EXOC2: variants seen among roughly 807,000 people sequenced by gnomAD.
EXOC2 encodes the protein exocyst complex component 2, also known as SEC5-like 1.
EXOC2 carries 70 observed loss-of-function variants against 131.8 expected under a neutral mutation model. That is an observed-to-expected ratio of 0.53 (90% CI 0.44 to 0.65). The LOEUF (loss-of-function observed/expected upper bound fraction) is 0.65, where lower values mean the gene tolerates loss of function less well. Among genes scored for constraint, EXOC2 ranks in the 30% least tolerant of loss-of-function variants. EXOC2 has a pLI of 0.00. For missense variants in EXOC2, 923 were observed against 1,108.6 expected (o/e 0.83, Z 2.38); for synonymous variants, 411 against 398.4 (o/e 1.03, Z -0.38).
In EXOC2 at chr6:623,326, T is replaced by A. The variant is rs778790282; in HGVS notation, c.423-3783A>T. 5.1e-4 allele frequency among the ~76,000 whole-genome samples: 78 copies of A among 152,010 alleles called. 1 individual carries two copies. Among genetic ancestry groups the A allele is most frequent in the Non-Finnish European group, 2.6e-4 (18 of 68,012 alleles). On this transcript the variant is annotated intron_variant, in intron 4 of 27. Transcript: ENST00000230449. ...CTTCAGGCCCCTGAACTGGGCCAGG[T>A]ACAATTTGAAAAGCACTACATCTCT...
intron 23 of EXOC2, among the ~76,000 whole-genome samples, chr6:501,696 TATATATCTCTATATAAAAG>T (rs1764212559): frequency 1.6e-5 from 2 of 125,680 alleles, no homozygotes; most frequent in African/African-American, 5.9e-5. Context: ...ATAAAAGATA[TATATATCTCTATATAAAAG>T]ATATATCTAT....
In EXOC2 at chr6:486,545, C is replaced by A; in HGVS notation, c.*126G>T. The A allele has an allele frequency of 1.2e-6, 1 of 810,820 alleles. No homozygotes were observed. The highest frequency in any genetic ancestry group is 1.9e-5 in the South Asian group (1 of 53,786). The allele number at this position is 810,820 out of a possible 1,614,324, so 50.2% of individuals were successfully genotyped here. A position where few individuals can be genotyped will look rare whatever the true frequency, so the allele number is the denominator to read the frequency against. ...AATGTATACCAACAATTTTCGAAGTCAGAGGAAGAAAAAAGAGAAAAATGG... is the reference window on the plus strand; with the variant it reads ...AATGTATACCAACAATTTTCGAAGTAAGAGGAAGAAAAAAGAGAAAAATGG... On this transcript the variant is annotated 3_prime_UTR_variant, in exon 28 of 28. Coordinates refer to ENST00000230449, the MANE Select transcript of EXOC2 (RefSeq NM_018303.6).
At chr6:550,303 G>T (rs1389480163) in intron 21 of EXOC2, among the ~76,000 whole-genome samples, 1 of 152,054 alleles carries the variant, frequency 6.6e-6, no homozygotes, top group Non-Finnish European at 1.5e-5. Context: ...TATTTTTTTG[G>T]ATATGTGAAA....
chr6:680,024 AT>A (rs11345538), intron 1 of EXOC2, among the ~76,000 whole-genome samples: 20,476 of 150,248 alleles, frequency 0.14, 1,483 homozygotes, highest in African/African-American at 0.17. Flanking sequence ...CCGGATGACT[AT>A]TTTTTTTTTT....
intron 17 of EXOC2, among the ~76,000 whole-genome samples, chr6:562,223 G>A (rs760493787): frequency 6.6e-6 from 1 of 152,232 alleles, no homozygotes; most frequent in Non-Finnish European, 1.5e-5. Flanking sequence ...CCGCTGCCTG[G>A]CCATCGTCAC....
intron 1 of EXOC2, chr6:655,988 CAA>C: frequency 1.4e-6 from 1 of 725,348 alleles, no homozygotes; most frequent in East Asian, 2.5e-5. Flanking sequence ...AAGGGCTCAA[CAA>C]AATATACGCC....
At chr6:552,334 G>C (rs1031937916) in intron 21 of EXOC2, among the ~76,000 whole-genome samples, 1 of 152,212 alleles carries the variant, frequency 6.6e-6, no homozygotes, top group Non-Finnish European at 1.5e-5. Context: ...TGATGACCCT[G>C]CATTTCATGC....
chr6:629,085 T>G (rs566892010), intron 4 of EXOC2, among the ~76,000 whole-genome samples: 1 of 152,090 alleles, frequency 6.6e-6, no homozygotes, highest in Admixed American at 6.5e-5. Context: ...ATAGAGAGAT[T>G]ATTGGAGAAT....
At chr6:548,354 T>A (rs1449688277) in intron 22 of EXOC2, among the ~76,000 whole-genome samples, 2 of 152,236 alleles carry the variant, frequency 1.3e-5, no homozygotes, top group Admixed American at 6.5e-5. Flanking sequence ...CAGATCATTA[T>A]CGTTCTCATT....
At chr6:565,445 T>C (rs1215502443) in intron 13 of EXOC2, among the ~76,000 whole-genome samples, 5 of 152,238 alleles carry the variant, frequency 3.3e-5, no homozygotes, top group Non-Finnish European at 7.3e-5. Context: ...TTTACTGATA[T>C]AACTCATGTT....
chr6:518,437 T>C lies in EXOC2; in HGVS notation c.2380+14032A>G, dbSNP rs1364605651. On this transcript the variant is annotated intron_variant, in intron 23 of 27. Coordinates refer to ENST00000230449, the MANE Select transcript of EXOC2 (RefSeq NM_018303.6). ...TTTATTTGTACAATAGTATGTTAGT[T>C]TACCCTGATGCCAAACAGCATAGTT... Among the ~76,000 whole-genome samples the C allele has an allele frequency of 2.6e-5, 4 of 152,360 alleles. No individual in the cohort carries two copies. In the South Asian group the frequency reaches 8.3e-4, roughly 32 times the overall value.
At chr6:636,467 G>T (rs546363380) in intron 2 of EXOC2, among the ~76,000 whole-genome samples, 1 of 152,154 alleles carries the variant, frequency 6.6e-6, no homozygotes, top group Non-Finnish European at 1.5e-5. Flanking sequence ...TATCAAATGA[G>T]ACATAACACT....
chr6:631,052 G>C (rs1015698934), intron 3 of EXOC2, among the ~76,000 whole-genome samples: 1 of 152,206 alleles, frequency 6.6e-6, no homozygotes, highest in Non-Finnish European at 1.5e-5. Flanking sequence ...CCAAGTGCCA[G>C]GGAGCACAGA....
chr6:614,762 C>T (rs936399353), intron 6 of EXOC2, among the ~76,000 whole-genome samples: 1 of 152,092 alleles, frequency 6.6e-6, no homozygotes, highest in Non-Finnish European at 1.5e-5. Context: ...TATAATCAAT[C>T]AGGCATTGAT....
intron 13 of EXOC2, among the ~76,000 whole-genome samples, chr6:570,597 G>C (rs1421813141): frequency 1.3e-5 from 2 of 152,150 alleles, no homozygotes; most frequent in African/African-American, 4.8e-5. Flanking sequence ...GGAAATACTG[G>C]AATAAATTTT....
At chr6:512,405 A>C (rs1764903107) in intron 23 of EXOC2, among the ~76,000 whole-genome samples, 1 of 152,238 alleles carries the variant, frequency 6.6e-6, no homozygotes, top group Non-Finnish European at 1.5e-5. Context: ...ATGAGTAGTA[A>C]ATGTATTTTC....
At chr6:673,691 C>T (rs772228167) in intron 1 of EXOC2, among the ~76,000 whole-genome samples, 1 of 152,086 alleles carries the variant, frequency 6.6e-6, no homozygotes, top group African/African-American at 2.4e-5. Context: ...CTTCAAAACT[C>T]AAAAAATATA....
At position 496,337 on chromosome 6, in the gene EXOC2, C is replaced by G. The variant is rs569712371; in HGVS notation, c.2559+1030G>C. 5.9e-5 allele frequency among the ~76,000 whole-genome samples: 9 copies of G among 152,330 alleles called. No individual in the cohort carries two copies. The South Asian group carries it at 1.9e-3, about 32-fold the overall frequency. ...AGACTCTGGATTCTGTAATATATCT[C>G]TAAGGACTGTTGATTTTTTATTTGT... On this transcript the variant is annotated intron_variant, in intron 25 of 27. Coordinates refer to ENST00000230449, the MANE Select transcript of EXOC2 (RefSeq NM_018303.6).
At chr6:598,242 C>G (rs1402034154) in intron 9 of EXOC2, 119 bp from the exon 10 acceptor site, 8 of 683,502 alleles carry the variant, frequency 1.2e-5, no homozygotes, top group Non-Finnish European at 2.0e-5. Flanking sequence ...AGGGCCGTGT[C>G]TAGAGTGATC....
Sources: allele counts gnomAD v4.1 joint callset (sites outside exome capture counted in the v4.1 genomes callset), GRCh38; gene constraint gnomAD v4.1.1; transcripts MANE v1.5; gene names NCBI Gene and HGNC (gene_info 2026-07-23, HGNC 2026-07-21).